The following GRTP1 variants were observed in gnomAD, a reference collection of about 807,000 sequenced individuals.
GRTP1 encodes growth hormone regulated TBC protein 1, also known as growth hormone-regulated TBC protein 1.
In GRTP1, 56 loss-of-function variants were observed where a neutral mutation model predicts 38.1. The observed-to-expected ratio is 1.47, with a 90% CI of 1.19 to 1.84. The LOEUF is 1.84. Among genes scored for constraint, GRTP1 ranks in the 40% most tolerant of loss-of-function variants. The probability of loss-of-function intolerance (pLI) is 0.00; values close to 1 mark genes in which losing one functional copy is unlikely to be tolerated. For missense variants in GRTP1, 506 were observed against 453.9 expected (o/e 1.11, Z -1.04); for synonymous variants, 217 against 189.5 (o/e 1.14, Z -1.19).
intron 7 of GRTP1, chr13:113,324,812 C>T (rs2042734895): frequency 2.4e-6 from 3 of 1,252,776 alleles, no homozygotes; most frequent in African/African-American, 1.7e-5. Context: ...AAGAAAAGGC[C>T]ATCTGCTTCC....
intron 7 of GRTP1, 91 bp downstream of exon 7, chr13:113,325,570 G>C: frequency 6.2e-7 from 1 of 1,602,302 alleles, no homozygotes; most frequent in South Asian, 1.1e-5. Flanking sequence ...TGCCCGTCCT[G>C]TGCACCCTCC....
At chr13:113,329,608 ATAAAT>A (rs2042828206) in intron 5 of GRTP1, among the ~76,000 whole-genome samples, 1 of 152,120 alleles carries the variant, frequency 6.6e-6, no homozygotes, top group Non-Finnish European at 1.5e-5. Flanking sequence ...AAAAATAAAA[ATAAAT>A]TACTGCAAGA....
Position 113,363,766 on chromosome 13 carries a change from C to T in GRTP1, c.177G>A (p.Arg59=). ...LLQGGGVPRS[R]TVKRYVRKGV... ...ACCTGCGCCCCCGGGACCCACCTGT[C>T]CGGCTCCTGGGGACGCCCCCGCCCT... Residue 59 remains arginine, a synonymous_variant, in exon 2 of 8, where the codon CGG becomes CGA. Transcript: ENST00000375431. 6 of 1,580,796 alleles carry T rather than the reference C, an allele frequency of 3.8e-6. No homozygotes were observed. The highest frequency in any genetic ancestry group is 2.2e-5 in the East Asian group (1 of 44,738).
chr13:113,361,180 T>A, intron 2 of GRTP1, among the ~76,000 whole-genome samples: 1 of 131,576 alleles, frequency 7.6e-6, no homozygotes, highest in Non-Finnish European at 1.6e-5. Context: ...CAAAATGAAA[T>A]TTTTAGAAAG....
At chr13:113,352,300 A>ATTTTATATATAT (rs1566437734) in intron 3 of GRTP1, among the ~76,000 whole-genome samples, 3 of 41,026 alleles carry the variant, frequency 7.3e-5, no homozygotes, top group Admixed American at 3.9e-4. Flanking sequence ...ATTTATATAT[A>ATTTTATATATAT]TTTTATATAT....
intron 5 of GRTP1, among the ~76,000 whole-genome samples, chr13:113,341,999 T>C (rs1385359635): frequency 6.6e-6 from 1 of 152,012 alleles, no homozygotes; most frequent in South Asian, 2.1e-4. Flanking sequence ...CACACTGGAG[T>C]GTAGTGGTGT....
In GRTP1 at chr13:113,355,364, T is replaced by C. The variant is rs1263226420; in HGVS notation, c.299A>G (p.Gln100Arg). ...CTCCAGCCTGGGGTTTCTCTCTCCC[T>C]GGAGAAGCTGGTGGTAGTAGCCGGG... ...QNPGYYHQLL[Q>R]GERNPRLEDA... The change falls in exon 3 of 8, where the codon CAG becomes CGG. Residue 100 changes from glutamine (Q) to arginine (R), a missense_variant. Transcript: ENST00000375431. 2 of 1,613,964 alleles carry C rather than the reference T, an allele frequency of 1.2e-6. No individual in the cohort carries two copies. Among genetic ancestry groups the C allele is most frequent in the Non-Finnish European group, 1.7e-6 (2 of 1,179,984 alleles).
intron 2 of GRTP1, chr13:113,361,623 T>TA (rs1175249285): frequency 2.0e-5 from 3 of 152,200 alleles, no homozygotes; most frequent in Non-Finnish European, 4.4e-5. Flanking sequence ...CCCCTGCTCT[T>TA]AAAGCAAACT....
At chr13:113,363,432 C>A (rs998226244) in intron 2 of GRTP1, among the ~76,000 whole-genome samples, 1 of 152,080 alleles carries the variant, frequency 6.6e-6, no homozygotes, top group Non-Finnish European at 1.5e-5. Flanking sequence ...GTCTCAAACT[C>A]CTGACCTCGT....
At position 113,342,743 on chromosome 13, in the gene GRTP1, T is replaced by C. The variant is rs1166491901; in HGVS notation, c.562+2120A>G. 6.6e-6 allele frequency among the ~76,000 whole-genome samples: 1 copy of C among 152,210 alleles called. No individual in the cohort carries two copies. Among genetic ancestry groups the C allele is most frequent in the Non-Finnish European group, 1.5e-5 (1 of 68,024 alleles). ...TATATTTGCCTCTTTTCTCTGCCGC[T>C]GGGAGAGCTCTGCCGGGATCGGAAT... On this transcript the variant is annotated intron_variant, in intron 5 of 7. Transcript: ENST00000375431. This position sits in a 1 kb window ranked among gnomAD's most constrained non-coding sequence, Gnocchi z 4.5.
At chr13:113,328,339 C>T (rs1595473071) in intron 5 of GRTP1, among the ~76,000 whole-genome samples, 1 of 152,202 alleles carries the variant, frequency 6.6e-6, no homozygotes, top group African/African-American at 2.4e-5. Flanking sequence ...TGGGCAGGGG[C>T]CATACAAAGA....
At chr13:113,329,937 G>A (rs2042832686) in intron 5 of GRTP1, among the ~76,000 whole-genome samples, 1 of 152,286 alleles carries the variant, frequency 6.6e-6, no homozygotes, top group African/African-American at 2.4e-5. Flanking sequence ...GCCCAGGTGG[G>A]CAGGGGATGT....
At chr13:113,346,100 GGCCGAGAACA>G (rs2043111397) in intron 4 of GRTP1, among the ~76,000 whole-genome samples, 2 of 109,326 alleles carry the variant, frequency 1.8e-5, no homozygotes, top group East Asian at 2.7e-4. Context: ...AGACATCTGT[GGCCGAGAACA>G]GACCCGGGAG....
intron 4 of GRTP1, among the ~76,000 whole-genome samples, chr13:113,347,501 C>A (rs76156064): frequency 5.6e-4 from 12 of 21,344 alleles, no homozygotes; most frequent in Admixed American, 1.2e-3. Context: ...CCTCTGTGGC[C>A]GAGAGCGGAC....
chr13:113,338,877 G>C (rs1257276656), intron 5 of GRTP1, among the ~76,000 whole-genome samples: 1 of 149,648 alleles, frequency 6.7e-6, no homozygotes, highest in East Asian at 2.0e-4. Context: ...TTCACCTGAT[G>C]TTCTGCTGAG....
At chr13:113,334,079 C>G (rs1477237284) in intron 5 of GRTP1, among the ~76,000 whole-genome samples, 1 of 152,196 alleles carries the variant, frequency 6.6e-6, no homozygotes, top group African/African-American at 2.4e-5. Flanking sequence ...AGGTGATCTG[C>G]CCACCTCAGC....
At position 113,325,706 on chromosome 13, in the gene GRTP1, C is replaced by T; in HGVS notation, c.876G>A (p.Gln292=). 6.2e-7 allele frequency: 1 copy of T among 1,614,234 alleles called. No homozygotes were observed. The highest frequency in any genetic ancestry group is 8.5e-7 in the Non-Finnish European group (1 of 1,180,034). ...SVPDICDKFK[Q]ITKGSFVMEC... Reference sequence around the variant, plus strand: ...CCATCACGAAACTCCCTTTGGTTATCTGCTTAAACTTATCGCAAATGTCTG... The same window carrying T: ...CCATCACGAAACTCCCTTTGGTTATTTGCTTAAACTTATCGCAAATGTCTG... The change falls in exon 7 of 8, where the codon CAG becomes CAA. Residue 292 remains glutamine (Q), a synonymous_variant. Coordinates refer to ENST00000375431, the MANE Select transcript of GRTP1 (RefSeq NM_024719.4).
intron 7 of GRTP1, chr13:113,325,356 C>T (rs977541230): frequency 1.4e-6 from 2 of 1,426,776 alleles, no homozygotes; most frequent in East Asian, 5.0e-5. Context: ...GTCCAGGACC[C>T]AGTGGGGAGG....
chr13:113,357,263 G>A (rs2139529053), intron 2 of GRTP1, among the ~76,000 whole-genome samples: 1 of 152,084 alleles, frequency 6.6e-6, no homozygotes, highest in East Asian at 1.9e-4. Context: ...TGGCCAACAT[G>A]GTGAAACCTC....
Sources: allele counts gnomAD v4.1 joint callset (sites outside exome capture counted in the v4.1 genomes callset), GRCh38; gene constraint gnomAD v4.1.1; non-coding constraint Gnocchi (gnomAD v3.1); transcripts MANE v1.5; gene names NCBI Gene and HGNC (gene_info 2026-07-23, HGNC 2026-07-21).